Variants in USP47 observed in about 807,000 individuals in gnomAD.
USP47 encodes the protein ubiquitin specific peptidase 47.
A neutral mutation model predicts 165.1 loss-of-function variants in USP47; 35 were observed. The ratio of observed to expected loss-of-function variants is 0.21; its 90% CI spans 0.16 to 0.28. The LOEUF is 0.28. Ranked by LOEUF, USP47 falls within the 10% of genes least tolerant of loss-of-function variation. USP47 has a pLI of 1.00. For synonymous variants in USP47, 531 were observed against 544.5 expected (o/e 0.98, Z 0.35); for missense variants, 1,277 against 1,607.4 (o/e 0.79, Z 3.52).
intron 1 of USP47, 84 bp downstream of exon 1, chr11:11,842,308 C>T (rs949663989): frequency 2.0e-6 from 3 of 1,471,866 alleles, no homozygotes; most frequent in African/African-American, 1.4e-5. Context: ...GGCTGCGGGC[C>T]CGGCCGGGGT....
chr11:11,900,085 G>C (rs1280668882), intron 5 of USP47, among the ~76,000 whole-genome samples: 1 of 151,364 alleles, frequency 6.6e-6, no homozygotes, highest in Non-Finnish European at 1.5e-5. Context: ...AGTAGCCCTA[G>C]CATAAAAGGA....
At chr11:11,948,252 G>T (rs1590454151) in intron 21 of USP47, 132 bp downstream of exon 21, 6 of 1,128,424 alleles carry the variant, frequency 5.3e-6, no homozygotes, top group Non-Finnish European at 7.3e-6. Context: ...ATGGTAATTT[G>T]GGGGGTTTTT....
At chr11:11,925,490 A>C (rs1048009636) in intron 11 of USP47, among the ~76,000 whole-genome samples, 1 of 152,038 alleles carries the variant, frequency 6.6e-6, no homozygotes, top group Non-Finnish European at 1.5e-5. Context: ...CTTTGACACT[A>C]TTGTAAATGG....
intron 3 of USP47, among the ~76,000 whole-genome samples, chr11:11,891,212 A>G (rs1851489704): frequency 6.6e-6 from 1 of 152,200 alleles, no homozygotes; most frequent in Non-Finnish European, 1.5e-5. Context: ...ACCTGGTCTG[A>G]TTTACCTCAC....
At chr11:11,925,002 G>T (rs866939341) in intron 11 of USP47, among the ~76,000 whole-genome samples, 16 of 151,162 alleles carry the variant, frequency 1.1e-4, no homozygotes, top group Middle Eastern at 6.8e-3. Context: ...ACTTTGTATA[G>T]TGTGGACATT....
intron 8 of USP47, among the ~76,000 whole-genome samples, chr11:11,908,195 T>C (rs1360121178): frequency 6.6e-6 from 1 of 152,248 alleles, no homozygotes; most frequent in Non-Finnish European, 1.5e-5. Context: ...ATGTTTTGTT[T>C]AGTGTGCCAC....
At chr11:11,919,675 A>T (rs1419133647) in intron 8 of USP47, among the ~76,000 whole-genome samples, 1 of 151,932 alleles carries the variant, frequency 6.6e-6, no homozygotes, top group East Asian at 1.9e-4. Flanking sequence ...TTACTGACTG[A>T]TCCTAACTAT....
chr11:11,872,193 G>A (rs1850112710), intron 1 of USP47, among the ~76,000 whole-genome samples: 1 of 152,140 alleles, frequency 6.6e-6, no homozygotes, highest in South Asian at 2.1e-4. Flanking sequence ...GGTTGATGCT[G>A]GTTGTCTGCT....
At chr11:11,862,266 T>C (rs147424360) in intron 1 of USP47, among the ~76,000 whole-genome samples, 1 of 152,336 alleles carries the variant, frequency 6.6e-6, no homozygotes, top group African/African-American at 2.4e-5. Context: ...AAATTATTTT[T>C]CTGAATGAAT....
chr11:11,896,853 TTAAAA>T (rs1220656599), intron 4 of USP47, among the ~76,000 whole-genome samples: 2 of 152,032 alleles, frequency 1.3e-5, no homozygotes, highest in East Asian at 1.9e-4. Flanking sequence ...TACACGGTTC[TTAAAA>T]TAAAGGTGAA....
In USP47 at chr11:11,891,991, C is replaced by T; in HGVS notation, c.381C>T (p.Asp127=). The change falls in exon 4 of 28, where the codon GAC becomes GAT. Residue 127 remains aspartate, a synonymous_variant. Transcript: ENST00000527733. The part of the protein sequence containing the change: ...ILLEDSSAGE[D]SVHDRFIGPL... ...AGGAGGATTCCAGTGCTGGGGAAGA[C>T]AGTGTTCATGACAGGTTTATAGGTC... 1.2e-6 allele frequency: 2 copies of T among 1,613,188 alleles called. No individual in the cohort carries two copies. The highest frequency in any genetic ancestry group is 1.7e-6 in the Non-Finnish European group (2 of 1,179,594).
chr11:11,921,731 A>G (rs910450355), intron 10 of USP47, among the ~76,000 whole-genome samples: 1 of 151,836 alleles, frequency 6.6e-6, no homozygotes, highest in African/African-American at 2.4e-5. Flanking sequence ...TTTTCCAAAG[A>G]AGGAAAACTT....
rs1324618698 is a variant in USP47 at position 11,942,588 on chromosome 11, G to A, written c.2567G>A (p.Ser856Asn). The change falls in exon 20 of 28, where the codon AGC (serine) becomes AAC (asparagine). Residue 856 changes from serine to asparagine, a missense_variant. Ser to Asn is a conservative substitution (Grantham distance 46, BLOSUM62 1). This residue lies in a region of USP47 where 909 missense variants were observed against 1,068.1 expected (regional missense o/e 0.85). Transcript: ENST00000527733. ...TCTGTGGAAGCTATTCTAGAAGAAA[G>A]CACTGAAAAACTCAAAAGCTTGTCA... Reference protein sequence around the residue: ...LKSVEAILEESTEKLKSLSLQ... With the variant: ...LKSVEAILEENTEKLKSLSLQ... 1 of 1,613,522 alleles carries A rather than the reference G, an allele frequency of 6.2e-7. No homozygotes were observed. The highest frequency in any genetic ancestry group is 1.1e-5 in the South Asian group (1 of 91,056).
Position 11,961,446 on chromosome 11 carries a change from A to AT in USP47, c.*5273dup, listed in dbSNP as rs892943412. ...GGCACCTGAGAAGGACAGAACTGTCATTGCAGGATTTGAAGATGAAGGGGC... is the reference window on the plus strand; with the variant it reads ...GGCACCTGAGAAGGACAGAACTGTCATTTGCAGGATTTGAAGATGAAGGGGC... On this transcript the variant is annotated 3_prime_UTR_variant, in exon 28 of 28. Transcript: ENST00000527733. Among the ~76,000 whole-genome samples, 2 of 152,208 alleles carry AT rather than the reference A, an allele frequency of 1.3e-5. No homozygotes were observed. The highest frequency in any genetic ancestry group is 2.4e-5 in the African/African-American group (1 of 41,452).
rs375173662 is a variant in USP47, at chr11:11,930,128, A to G, written c.1595+8A>G. 1.3e-5 allele frequency: 21 copies of G among 1,606,334 alleles called. No individual in the cohort carries two copies. The highest frequency in any genetic ancestry group is 1.7e-4 in the Middle Eastern group (1 of 6,042). On this transcript the variant is annotated splice_region_variant and intron_variant, in intron 13 of 27. Coordinates refer to ENST00000527733, the MANE Select transcript of USP47 (RefSeq NM_001282659.2). ...TTCTAGTGCTTTCGCAAGGTAAGCAATTTCCTAATTTTCAGTGTTTAAAAG... is the reference window on the plus strand; with the variant it reads ...TTCTAGTGCTTTCGCAAGGTAAGCAGTTTCCTAATTTTCAGTGTTTAAAAG...
chr11:11,944,478 G>A (rs933403842), intron 20 of USP47, among the ~76,000 whole-genome samples: 1 of 152,084 alleles, frequency 6.6e-6, no homozygotes, highest in African/African-American at 2.4e-5. Flanking sequence ...GAGGGAAATC[G>A]TATTGTAATA....
intron 4 of USP47, among the ~76,000 whole-genome samples, chr11:11,894,507 T>C (rs554506342): frequency 6.6e-6 from 1 of 152,320 alleles, no homozygotes; most frequent in Non-Finnish European, 1.5e-5. Flanking sequence ...AAAATGCTGA[T>C]ATAGCTGCTC....
Position 11,922,789 on chromosome 11 carries a change from T to C in USP47, c.1284T>C (p.Asp428=), listed in dbSNP as rs1853927948. The C allele has an allele frequency of 6.2e-7, 1 of 1,611,762 alleles. No individual in the cohort carries two copies. The highest frequency in any genetic ancestry group is 1.1e-5 in the South Asian group (1 of 90,940). ...GAENEGSCHS[D]QMSNDFSNDD... is the part of the protein sequence containing the mutation. The stretch of plus-strand genomic sequence containing the variant: ...AAAATGAAGGTAGTTGTCACAGTGA[T>C]CAGATGAGCAACGATTTCTCCAATG... Residue 428 remains aspartate (D), a synonymous_variant, in exon 11 of 28, where the codon GAT becomes GAC. Coordinates refer to ENST00000527733, the MANE Select transcript of USP47 (RefSeq NM_001282659.2).
At chr11:11,892,501 T>C (rs1851595734) in intron 4 of USP47, among the ~76,000 whole-genome samples, 1 of 150,268 alleles carries the variant, frequency 6.7e-6, no homozygotes, top group Non-Finnish European at 1.5e-5. Flanking sequence ...CCCACCTCAG[T>C]CCCCTGAGTA....
Sources: allele counts gnomAD v4.1 joint callset (sites outside exome capture counted in the v4.1 genomes callset), GRCh38; gene constraint gnomAD v4.1.1; regional missense constraint gnomAD v4.1.1; transcripts MANE v1.5; gene names NCBI Gene and HGNC (gene_info 2026-07-23, HGNC 2026-07-21).